COPS2: variants seen among roughly 807,000 people sequenced by gnomAD.
COPS2 encodes the protein COP9 signalosome subunit 2.
A neutral mutation model predicts 66.1 loss-of-function variants in COPS2; 10 were observed. The ratio of observed to expected loss-of-function variants is 0.15; its 90% CI spans 0.09 to 0.26. The LOEUF (loss-of-function observed/expected upper bound fraction) is 0.26. Among genes scored for constraint, COPS2 ranks in the 10% least tolerant of loss-of-function variants. The probability of loss-of-function intolerance (pLI) is 1.00; values close to 1 mark genes in which losing one functional copy is unlikely to be tolerated. For synonymous variants in COPS2, 179 were observed against 171.3 expected (o/e 1.04, Z -0.35); for missense variants, 215 against 513.3 (o/e 0.42, Z 5.62).
intron 2 of COPS2, among the ~76,000 whole-genome samples, chr15:49,144,542 GATT>G (rs2084308984): frequency 1.5e-5 from 2 of 134,406 alleles, no homozygotes; most frequent in Non-Finnish European, 3.1e-5. Flanking sequence ...GCCACTTCTT[GATT>G]ATTATATAGT....
chr15:49,144,397 T>G, intron 2 of COPS2, 93 bp from the exon 3 acceptor site: 1 of 699,614 alleles, frequency 1.4e-6, no homozygotes, highest in Non-Finnish European at 2.5e-6. Context: ...AATTTTATAC[T>G]ATATGCATAA....
Position 49,126,383 on chromosome 15 carries a change from C to T in COPS2, c.*1567G>A, listed in dbSNP as rs755865095. The T allele has an allele frequency of 2.6e-5, 4 of 151,940 alleles. No homozygotes were observed. The highest frequency in any genetic ancestry group is 2.1e-4 in the South Asian group (1 of 4,812). 9.4% of individuals were successfully genotyped at this position (151,940 alleles called of 1,614,324 possible). On this transcript the variant is annotated 3_prime_UTR_variant, in exon 13 of 13. Transcript: ENST00000388901. ...TATTTTCGTAAAATTTTGACAAAAC[C>T]GAATAAGCATGCCTTGTTTTAAGTC...
rs2084135926 is a variant in COPS2 at position 49,122,891 on chromosome 15, A to G, written c.*5059T>C. The stretch of plus-strand genomic sequence containing the variant: ...GACCATTTCAGGCAGACATCCTGTT[A>G]CATTCCTAATCACCTACTACTTCCT... On this transcript the variant is annotated 3_prime_UTR_variant, in exon 13 of 13. Coordinates refer to ENST00000388901, the MANE Select transcript of COPS2 (RefSeq NM_004236.4). The G allele has an allele frequency of 6.6e-6, 1 of 152,210 alleles. No individual in the cohort carries two copies. Among genetic ancestry groups the G allele is most frequent in the Non-Finnish European group, 1.5e-5 (1 of 68,022 alleles). The allele number at this position is 152,210 out of a possible 1,614,324, so 9.4% of individuals were successfully genotyped here.
At position 49,123,347 on chromosome 15, in the gene COPS2, CTA is replaced by C. The variant is rs1178585383; in HGVS notation, c.*4601_*4602del. On this transcript the variant is annotated 3_prime_UTR_variant, in exon 13 of 13. Transcript: ENST00000388901. The stretch of plus-strand genomic sequence containing the variant: ...CTTACTTCAGAATTAAAAAATTACT[CTA>C]GATTATGTAAATTTGGACAGTCTTC... The C allele has an allele frequency of 6.6e-6, 1 of 152,160 alleles. No individual in the cohort carries two copies. The highest frequency in any genetic ancestry group is 1.9e-4 in the East Asian group (1 of 5,204). 9.4% of individuals were successfully genotyped at this position (152,160 alleles called of 1,614,324 possible).
chr15:49,138,958 T>C (rs374459811), intron 4 of COPS2, among the ~76,000 whole-genome samples: 1 of 152,214 alleles, frequency 6.6e-6, no homozygotes, highest in East Asian at 1.9e-4. Flanking sequence ...AAAATAATCA[T>C]TGGTTTTCTT....
intron 9 of COPS2, 76 bp from the exon 10 acceptor site, chr15:49,130,892 G>T: frequency 4.4e-6 from 3 of 684,090 alleles, no homozygotes; most frequent in Admixed American, 2.7e-5. Context: ...CAAAGACCCT[G>T]CTTCTCAACT....
At chr15:49,152,760 T>C (rs932933350) in intron 1 of COPS2, among the ~76,000 whole-genome samples, 2 of 151,866 alleles carry the variant, frequency 1.3e-5, no homozygotes, top group African/African-American at 2.4e-5. Context: ...GAGGCGGAGG[T>C]TGCAGTGAGC....
chr15:49,132,570 G>GC (rs1491201058), intron 9 of COPS2, among the ~76,000 whole-genome samples: 1 of 54,258 alleles, frequency 1.8e-5, no homozygotes, highest in Non-Finnish European at 3.3e-5. Context: ...ACATATATCT[G>GC]CAAAAAAAAA....
chr15:49,144,496 A>C (rs2084308667), intron 2 of COPS2, among the ~76,000 whole-genome samples, 192 bp from the exon 3 acceptor site: 1 of 152,216 alleles, frequency 6.6e-6, no homozygotes, highest in South Asian at 2.1e-4. Context: ...CATAAGGATA[A>C]GCAAGCTTAA....
At chr15:49,140,683 T>A (rs2084284377) in intron 3 of COPS2, among the ~76,000 whole-genome samples, 1 of 152,162 alleles carries the variant, frequency 6.6e-6, no homozygotes, top group African/African-American at 2.4e-5. Flanking sequence ...TCTAACCTTA[T>A]AACCTGCATC....
At chr15:49,128,854 A>G in intron 11 of COPS2, 94 bp from the exon 12 acceptor site, 1 of 804,264 alleles carries the variant, frequency 1.2e-6, no homozygotes, top group Admixed American at 2.5e-5. Flanking sequence ...CTATCACTTA[A>G]AGGAAAATTA....
At chr15:49,145,824 G>T (rs2084317382) in intron 1 of COPS2, among the ~76,000 whole-genome samples, 1 of 152,098 alleles carries the variant, frequency 6.6e-6, no homozygotes, top group African/African-American at 2.4e-5. Context: ...ACAGTTCCAG[G>T]ACATTCAACC....
chr15:49,129,045 C>G (rs938175378), intron 11 of COPS2, among the ~76,000 whole-genome samples: 2 of 152,178 alleles, frequency 1.3e-5, no homozygotes, highest in African/African-American at 2.4e-5. Flanking sequence ...ACAATTTTCT[C>G]TGAGGGTGAA....
chr15:49,143,977 G>GA (rs1196475455), intron 3 of COPS2, among the ~76,000 whole-genome samples: 1,645 of 148,394 alleles, frequency 0.011, 49 homozygotes, highest in African/African-American at 0.038. Flanking sequence ...CAGAGCGGGG[G>GA]AAAAAAAAAA....
At chr15:49,143,686 C>T (rs2084302858) in intron 3 of COPS2, among the ~76,000 whole-genome samples, 1 of 152,192 alleles carries the variant, frequency 6.6e-6, no homozygotes, top group Non-Finnish European at 1.5e-5. Context: ...AAAAGTCAAT[C>T]TATTAATAAT....
chr15:49,148,722 G>C (rs933092535), intron 1 of COPS2, among the ~76,000 whole-genome samples: 1 of 152,182 alleles, frequency 6.6e-6, no homozygotes, highest in African/African-American at 2.4e-5. Flanking sequence ...AGCTGTGAAG[G>C]CCTGACTCCA....
intron 3 of COPS2, among the ~76,000 whole-genome samples, chr15:49,142,286 T>A (rs1410545911): frequency 6.6e-6 from 1 of 152,226 alleles, no homozygotes; most frequent in African/African-American, 2.4e-5. Flanking sequence ...ATGTTTTGAA[T>A]TGTTCTGATG....
intron 9 of COPS2, among the ~76,000 whole-genome samples, chr15:49,132,681 T>C (rs1403215076): frequency 6.6e-6 from 1 of 151,440 alleles, no homozygotes; most frequent in African/African-American, 2.4e-5. Context: ...AGAAATTTAG[T>C]AAATTTCTTA....
chr15:49,142,383 T>C (rs954926766), intron 3 of COPS2, among the ~76,000 whole-genome samples: 1 of 152,120 alleles, frequency 6.6e-6, no homozygotes, highest in African/African-American at 2.4e-5. Context: ...AAAGGTGAGA[T>C]AAACCATACC....
Sources: allele counts gnomAD v4.1 joint callset (sites outside exome capture counted in the v4.1 genomes callset), GRCh38; gene constraint gnomAD v4.1.1; transcripts MANE v1.5; gene names NCBI Gene and HGNC (gene_info 2026-07-23, HGNC 2026-07-21).